TTC27: variants seen among roughly 807,000 people sequenced by gnomAD.
TTC27 encodes tetratricopeptide repeat protein 27.
TTC27 carries 79 observed loss-of-function variants against 115.9 expected under a neutral mutation model. That is an observed-to-expected ratio of 0.68 (90% confidence interval 0.57 to 0.82). The LOEUF is 0.82. Among genes scored for constraint, TTC27 ranks in the 40% least tolerant of loss-of-function variants. The probability of loss-of-function intolerance (pLI) is 0.00; values close to 1 mark genes in which losing one functional copy is unlikely to be tolerated. For synonymous variants in TTC27, 401 were observed against 356.0 expected (o/e 1.13, Z -1.42); for missense variants, 1,054 against 993.1 (o/e 1.06, Z -0.82).
chr2:32,757,662 T>TA (rs1669279583), intron 12 of TTC27, among the ~76,000 whole-genome samples: 1 of 152,192 alleles, frequency 6.6e-6, no homozygotes, highest in Non-Finnish European at 1.5e-5. Flanking sequence ...ATTGCATACT[T>TA]AATAGACTAC....
Position 32,681,039 on chromosome 2 carries a change from C to T in TTC27, c.1119+2117C>T, listed in dbSNP as rs115715494. The stretch of plus-strand genomic sequence containing the variant: ...CATAAATTCAGGTTTTGTGCTTCTC[C>T]GCTCAGGCCTTTATGCTGTGTGATT... On this transcript the variant is annotated intron_variant, in intron 9 of 19. Transcript: ENST00000317907. Among the ~76,000 whole-genome samples the T allele has an allele frequency of 2.4e-3, 372 of 152,180 alleles. 1 individual carries two copies. Among genetic ancestry groups the T allele is most frequent in the African/African-American group, 8.1e-3 (338 of 41,536 alleles).
chr2:32,667,161 T>C (rs1335817091), intron 7 of TTC27, among the ~76,000 whole-genome samples: 1 of 152,184 alleles, frequency 6.6e-6, no homozygotes, highest in Non-Finnish European at 1.5e-5. Flanking sequence ...TTGGAATCTC[T>C]TAGGCTTTTT....
intron 9 of TTC27, among the ~76,000 whole-genome samples, chr2:32,682,730 G>A (rs1012255551): frequency 1.3e-5 from 2 of 149,480 alleles, no homozygotes; most frequent in Admixed American, 6.7e-5. Flanking sequence ...ATGCAATGGC[G>A]CGATCTCAAC....
chr2:32,787,074 C>T lies in TTC27; in HGVS notation c.1923C>T (p.Asp641=), dbSNP rs150893860. 2.8e-4 allele frequency: 457 copies of T among 1,614,054 alleles called. No homozygotes were observed. Among genetic ancestry groups the T allele is most frequent in the Non-Finnish European group, 3.7e-4 (435 of 1,179,982 alleles). ...AAAACTACATCCTCACCAGCACTGACGTTGGGGAATTTTCAGAAGCCATTA... is the reference window on the plus strand; with the variant it reads ...AAAACTACATCCTCACCAGCACTGATGTTGGGGAATTTTCAGAAGCCATTA... ...IWENYILTST[D]VGEFSEAIKA... The change falls in exon 16 of 20, where the codon GAC becomes GAT. Residue 641 remains aspartate, a synonymous_variant. Transcript: ENST00000317907.
chr2:32,674,876 A>G (rs1184993493), intron 8 of TTC27, among the ~76,000 whole-genome samples: 1 of 151,762 alleles, frequency 6.6e-6, no homozygotes, highest in Non-Finnish European at 1.5e-5. Context: ...GTTAGCCAGG[A>G]TGGTCTTGAT....
intron 10 of TTC27, among the ~76,000 whole-genome samples, chr2:32,732,830 CTCA>C (rs1174655054): frequency 6.6e-6 from 1 of 151,924 alleles, no homozygotes; most frequent in East Asian, 1.9e-4. Flanking sequence ...CCGTCTAATC[CTCA>C]TAAGAGAGGC....
chr2:32,674,617 AGCC>A (rs1666130442), intron 8 of TTC27, among the ~76,000 whole-genome samples: 2 of 152,052 alleles, frequency 1.3e-5, no homozygotes, highest in Non-Finnish European at 2.9e-5. Flanking sequence ...CTGTTTCTAA[AGCC>A]AAAGCAATTT....
At chr2:32,767,475 CAG>C (rs960970179) in intron 13 of TTC27, among the ~76,000 whole-genome samples, 1 of 87,070 alleles carries the variant, frequency 1.1e-5, no homozygotes, top group East Asian at 4.2e-4. Context: ...TTTTTTGAGA[CAG>C]AGTCTCGCTC....
intron 10 of TTC27, among the ~76,000 whole-genome samples, chr2:32,714,283 C>T (rs766091039): frequency 2.0e-5 from 3 of 151,696 alleles, no homozygotes; most frequent in Non-Finnish European, 2.9e-5. Flanking sequence ...CTCAGTCTCC[C>T]GAGTATCTGG....
intron 13 of TTC27, among the ~76,000 whole-genome samples, chr2:32,758,771 C>T (rs531197186): frequency 1.2e-4 from 18 of 151,996 alleles, no homozygotes; most frequent in Admixed American, 2.6e-4. Context: ...CCTTATCTGT[C>T]CTTAACTGAC....
chr2:32,719,434 C>G (rs1667853403), intron 10 of TTC27, among the ~76,000 whole-genome samples: 1 of 152,152 alleles, frequency 6.6e-6, no homozygotes, highest in Non-Finnish European at 1.5e-5. Flanking sequence ...AGCTCTGCAT[C>G]AAATATATTA....
chr2:32,791,429 A>G (rs2148026605), intron 16 of TTC27, among the ~76,000 whole-genome samples: 1 of 152,366 alleles, frequency 6.6e-6, no homozygotes, highest in South Asian at 2.1e-4. Flanking sequence ...TGTTTCTGCC[A>G]CTTAACACAG....
intron 10 of TTC27, among the ~76,000 whole-genome samples, chr2:32,717,315 A>G (rs778986633): frequency 6.6e-5 from 10 of 152,122 alleles, no homozygotes; most frequent in African/African-American, 1.7e-4. Context: ...ATCTTACAGC[A>G]TTGTAATGAT....
intron 15 of TTC27, among the ~76,000 whole-genome samples, chr2:32,784,525 TC>T (rs1188234324): frequency 6.6e-6 from 1 of 152,234 alleles, no homozygotes; most frequent in Non-Finnish European, 1.5e-5. Flanking sequence ...CTTTGCTGTT[TC>T]AACTGATTCC....
chr2:32,661,654 A>G (rs979871523), intron 5 of TTC27, among the ~76,000 whole-genome samples: 2 of 152,226 alleles, frequency 1.3e-5, no homozygotes, highest in African/African-American at 4.8e-5. Flanking sequence ...TTATCAGCTT[A>G]AGGAGATTTT....
chr2:32,815,202 G>A (rs1356301326), intron 18 of TTC27, among the ~76,000 whole-genome samples: 1 of 145,600 alleles, frequency 6.9e-6, no homozygotes, highest in Admixed American at 6.9e-5. Flanking sequence ...AGTTTACATA[G>A]AGGAGGCACT....
intron 10 of TTC27, among the ~76,000 whole-genome samples, chr2:32,709,276 T>C (rs1383505385): frequency 6.6e-6 from 1 of 152,106 alleles, no homozygotes; most frequent in Non-Finnish European, 1.5e-5. Flanking sequence ...ATACAGAGTA[T>C]GGAAAGGGAA....
At chr2:32,797,328 T>C (rs953814779) in intron 16 of TTC27, among the ~76,000 whole-genome samples, 1 of 151,598 alleles carries the variant, frequency 6.6e-6, no homozygotes, top group Admixed American at 6.6e-5. Flanking sequence ...CACAGGAGCA[T>C]GCCACCACAT....
At chr2:32,809,761 C>T (rs1012967003) in intron 16 of TTC27, among the ~76,000 whole-genome samples, 3 of 152,096 alleles carry the variant, frequency 2.0e-5, no homozygotes, top group Non-Finnish European at 4.4e-5. Flanking sequence ...CAGTTTAATC[C>T]ATCTGTCAGC....
Sources: allele counts gnomAD v4.1 joint callset (sites outside exome capture counted in the v4.1 genomes callset), GRCh38; gene constraint gnomAD v4.1.1; transcripts MANE v1.5; gene names NCBI Gene and HGNC (gene_info 2026-07-23, HGNC 2026-07-21).